KLHL29: variants seen among roughly 807,000 people sequenced by gnomAD.
KLHL29 encodes the protein kelch-like protein 29.
KLHL29 carries 21 observed loss-of-function variants against 80.4 expected under a neutral mutation model. That is an observed-to-expected ratio of 0.26 (90% CI 0.19 to 0.38). KLHL29 has a LOEUF of 0.38. Among genes scored for constraint, KLHL29 ranks in the 10% least tolerant of loss-of-function variants. KLHL29 has a pLI of 1.00. For synonymous variants in KLHL29, 511 were observed against 526.8 expected (o/e 0.97, Z 0.41); for missense variants, 867 against 1,223.9 (o/e 0.71, Z 4.35).
At chr2:23,387,439 G>T (rs955832969) in intron 1 of KLHL29, among the ~76,000 whole-genome samples, 7 of 152,078 alleles carry the variant, frequency 4.6e-5, no homozygotes, top group African/African-American at 1.7e-4. Context: ...CCCTGGGAGG[G>T]CAGATTTGAG....
At chr2:23,505,111 C>T (rs973700478) in intron 2 of KLHL29, among the ~76,000 whole-genome samples, 1 of 152,226 alleles carries the variant, frequency 6.6e-6, no homozygotes, top group African/African-American at 2.4e-5. Flanking sequence ...GCTTTTTATA[C>T]ACTATATTTG....
chr2:23,387,192 G>T (rs1558319469), intron 1 of KLHL29, among the ~76,000 whole-genome samples: 1 of 152,364 alleles, frequency 6.6e-6, no homozygotes, highest in Admixed American at 6.5e-5. Flanking sequence ...GACCGTGGAG[G>T]ACGCCGAGCT....
At chr2:23,543,589 A>AACGT (rs1666902759) in intron 2 of KLHL29, among the ~76,000 whole-genome samples, 1 of 152,196 alleles carries the variant, frequency 6.6e-6, no homozygotes, top group Admixed American at 6.5e-5. Flanking sequence ...CTTGCAGTGT[A>AACGT]ACGTTTCATT....
chr2:23,387,506 T>TATTATTATTA (rs1666214576), intron 1 of KLHL29, among the ~76,000 whole-genome samples: 1 of 87,134 alleles, frequency 1.1e-5, no homozygotes, highest in African/African-American at 4.8e-5. Flanking sequence ...ATTCCTGATT[T>TATTATTATTA]ATTATTATTA....
chr2:23,482,491 G>A (rs1172913207), intron 2 of KLHL29, among the ~76,000 whole-genome samples: 1 of 152,180 alleles, frequency 6.6e-6, no homozygotes, highest in Non-Finnish European at 1.5e-5. Flanking sequence ...TTCAGAGAGA[G>A]GAGTGCCTCT....
Position 23,562,368 on chromosome 2 carries a change from G to A in KLHL29, c.172G>A (p.Val58Met), listed in dbSNP as rs749349122. 31 of 1,541,394 alleles carry A rather than the reference G, an allele frequency of 2.0e-5. No homozygotes were observed. The highest frequency in any genetic ancestry group is 2.0e-4 in the Admixed American group (10 of 50,860). ...SVRPGLLPLP[V>M]VPSRLPTPAT... ...CCGGCCCGGCCTCCTGCCGCTGCCC[G>A]TGGTGCCCTCCCGGCTGCCCACCCC... Residue 58 changes from valine (V) to methionine (M), a missense_variant, in exon 3 of 14, where the codon GTG becomes ATG. Transcript: ENST00000486442. The surrounding 1 kb of genome is among the most constrained non-coding windows in gnomAD (Gnocchi z 4.5).
intron 2 of KLHL29, among the ~76,000 whole-genome samples, chr2:23,477,062 A>G (rs1037766193): frequency 6.6e-6 from 1 of 152,396 alleles, no homozygotes; most frequent in Admixed American, 6.5e-5. Context: ...CAGCTGGCCC[A>G]GCCTTGTATG....
At chr2:23,488,513 G>C (rs1204591888) in intron 2 of KLHL29, among the ~76,000 whole-genome samples, 1 of 152,242 alleles carries the variant, frequency 6.6e-6, no homozygotes, top group Admixed American at 6.5e-5. Flanking sequence ...CCCAGCTCCT[G>C]TGTCTGGGGA....
chr2:23,481,636 C>G (rs977406882), intron 2 of KLHL29, among the ~76,000 whole-genome samples: 55 of 152,188 alleles, frequency 3.6e-4, no homozygotes, highest in Middle Eastern at 6.8e-3. Context: ...CTGGTTTGGG[C>G]TGAGAGCGGT....
intron 3 of KLHL29, among the ~76,000 whole-genome samples, chr2:23,590,845 C>T (rs1321913173): frequency 1.3e-5 from 2 of 152,174 alleles, no homozygotes; most frequent in Non-Finnish European, 2.9e-5. Flanking sequence ...TCCATGCATT[C>T]ATTCACTCCA....
chr2:23,499,137 A>G (rs1665358802), intron 2 of KLHL29, among the ~76,000 whole-genome samples: 1 of 152,122 alleles, frequency 6.6e-6, no homozygotes, highest in Admixed American at 6.5e-5. Flanking sequence ...ATGGTTTCGC[A>G]AGACTTTATT....
chr2:23,572,994 C>T (rs1300048236), intron 3 of KLHL29, among the ~76,000 whole-genome samples: 3 of 152,226 alleles, frequency 2.0e-5, no homozygotes, highest in African/African-American at 7.2e-5. Flanking sequence ...GGCCCAAAAA[C>T]AGTAATTTCT....
chr2:23,610,826 T>C (rs768588945), intron 3 of KLHL29, among the ~76,000 whole-genome samples: 6 of 152,256 alleles, frequency 3.9e-5, no homozygotes, highest in Non-Finnish European at 8.8e-5. Flanking sequence ...GTTCATGTTG[T>C]TGGATAAATA....
intron 1 of KLHL29, among the ~76,000 whole-genome samples, chr2:23,442,002 A>C (rs1663540427): frequency 6.6e-6 from 1 of 152,112 alleles, no homozygotes; most frequent in South Asian, 2.1e-4. Flanking sequence ...CTTACATGGC[A>C]ATAGAGGTTT....
At chr2:23,515,940 G>A (rs964469451) in intron 2 of KLHL29, among the ~76,000 whole-genome samples, 2 of 152,216 alleles carry the variant, frequency 1.3e-5, no homozygotes, top group African/African-American at 2.4e-5. Flanking sequence ...TCCCCACAAA[G>A]CATGGGACTA....
At chr2:23,405,287 C>T (rs559277407) in intron 1 of KLHL29, among the ~76,000 whole-genome samples, 48 of 151,922 alleles carry the variant, frequency 3.2e-4, no homozygotes, top group Admixed American at 2.8e-3. Context: ...TATTATTTTA[C>T]GGACCATGAA....
intron 5 of KLHL29, among the ~76,000 whole-genome samples, chr2:23,674,796 T>G (rs563158999): frequency 7.1e-6 from 1 of 140,910 alleles, no homozygotes; most frequent in South Asian, 2.3e-4. Flanking sequence ...GACACCCCAC[T>G]CCCTGGTAAC....
intron 2 of KLHL29, among the ~76,000 whole-genome samples, chr2:23,531,745 C>T (rs1666496848): frequency 6.6e-6 from 1 of 152,128 alleles, no homozygotes; most frequent in African/African-American, 2.4e-5. Context: ...GCAACTGATC[C>T]CAAGTTACAA....
intron 2 of KLHL29, among the ~76,000 whole-genome samples, chr2:23,490,689 T>A (rs915614656): frequency 9.2e-5 from 14 of 152,344 alleles, no homozygotes; most frequent in African/African-American, 3.4e-4. Context: ...GACTTTGGAT[T>A]TATGGAAAGT....
Sources: gnomAD v4.1 joint callset for allele counts (sites outside exome capture counted in the v4.1 genomes callset) on GRCh38, gnomAD v4.1.1 for gene constraint, Gnocchi (gnomAD v3.1) non-coding constraint, MANE v1.5 for transcripts, NCBI Gene and HGNC (gene_info 2026-07-23, HGNC 2026-07-21) for gene names.